PRKCQ: variants seen among roughly 807,000 people sequenced by gnomAD.
PRKCQ encodes the protein protein kinase C theta type.
PRKCQ carries 41 observed loss-of-function variants against 91.2 expected under a neutral mutation model. That is an observed-to-expected ratio of 0.45 (90% CI 0.35 to 0.58). The LOEUF (loss-of-function observed/expected upper bound fraction) is 0.58, where lower values mean the gene tolerates loss of function less well. Among genes scored for constraint, PRKCQ ranks in the 20% least tolerant of loss-of-function variants. The probability of loss-of-function intolerance (pLI) is 0.00; values close to 1 mark genes in which losing one functional copy is unlikely to be tolerated. For synonymous variants in PRKCQ, 307 were observed against 316.9 expected (o/e 0.97, Z 0.33); for missense variants, 673 against 896.5 (o/e 0.75, Z 3.18).
At chr10:6,557,106 C>T (rs1840450875) in intron 1 of PRKCQ, among the ~76,000 whole-genome samples, 1 of 152,218 alleles carries the variant, frequency 6.6e-6, no homozygotes, top group Non-Finnish European at 1.5e-5. Flanking sequence ...CAACCTCTAA[C>T]AACTTCTGCC....
intron 11 of PRKCQ, among the ~76,000 whole-genome samples, chr10:6,481,037 T>A (rs1216344699): frequency 6.6e-6 from 1 of 152,218 alleles, no homozygotes; most frequent in Non-Finnish European, 1.5e-5. Flanking sequence ...TTTTGGAGTA[T>A]TCTCAGTGTT....
the PRKCQ span, among the ~76,000 whole-genome samples, chr10:6,413,673 G>A: frequency 6.1e-3 from 489 of 79,644 alleles, 79 homozygotes; most frequent in Middle Eastern, 0.02. Flanking sequence ...TGGATTAAAT[G>A]CCACTTGTGC....
At position 6,434,172 on chromosome 10, in the gene PRKCQ, G is replaced by A. The variant is rs148103530; in HGVS notation, c.1837-3234C>T. On this transcript the variant is annotated intron_variant, in intron 16 of 17. Transcript: ENST00000263125. ...GATGAAACGAGATTAGATAGATGGC[G>A]TAAGTGTCTCAGGAAGGGGCCAAAA... Among the ~76,000 whole-genome samples, 44 of 152,146 alleles carry A rather than the reference G, an allele frequency of 2.9e-4. No homozygotes were observed. In the East Asian group the frequency reaches 5.6e-3, roughly 19 times the overall value.
intron 1 of PRKCQ, among the ~76,000 whole-genome samples, chr10:6,555,070 T>TAAAAA (rs944444262): frequency 1.3e-5 from 2 of 151,336 alleles, no homozygotes; most frequent in Non-Finnish European, 2.9e-5. Flanking sequence ...AAGTGGGAGC[T>TAAAAA]AAATATTGGG....
At chr10:6,575,846 C>G (rs1841210486) in intron 1 of PRKCQ, among the ~76,000 whole-genome samples, 1 of 152,172 alleles carries the variant, frequency 6.6e-6, no homozygotes, top group Non-Finnish European at 1.5e-5. Context: ...TCGAGACCAT[C>G]TTGGCCAACA....
chr10:6,453,141 A>G (rs1834797596), intron 15 of PRKCQ, among the ~76,000 whole-genome samples: 1 of 150,484 alleles, frequency 6.6e-6, no homozygotes, highest in South Asian at 2.1e-4. Flanking sequence ...CAGGCAACCT[A>G]CAAAATGGGA....
chr10:6,434,499 G>A (rs535436852), intron 16 of PRKCQ, among the ~76,000 whole-genome samples: 20 of 152,274 alleles, frequency 1.3e-4, no homozygotes, highest in African/African-American at 4.3e-4. Flanking sequence ...GCCTTGCAGC[G>A]ACTCAACCCA....
intron 1 of PRKCQ, among the ~76,000 whole-genome samples, chr10:6,557,675 T>G (rs1840473460): frequency 6.6e-6 from 1 of 152,200 alleles, no homozygotes; most frequent in South Asian, 2.1e-4. Context: ...TACATTCACT[T>G]TCTTCGGTCC....
Position 6,497,964 on chromosome 10 carries a change from T to G in PRKCQ, c.542+432A>C, listed in dbSNP as rs998382697. On this transcript the variant is annotated intron_variant, in intron 5 of 17. Transcript: ENST00000263125. This position sits in a 1 kb window ranked among gnomAD's most constrained non-coding sequence, Gnocchi z 4.5. ...TTAAACTGATCTGTTTGATGGCTAT[T>G]AAGATACCCAAGAGCCTCATAAGCA... is the stretch of plus-strand genomic sequence containing the variant. Among the ~76,000 whole-genome samples the G allele has an allele frequency of 2.0e-5, 3 of 152,222 alleles. No homozygotes were observed. Among genetic ancestry groups the G allele is most frequent in the Non-Finnish European group, 4.4e-5 (3 of 68,038 alleles).
At chr10:6,488,004 CAAAA>C (rs774276182) in intron 8 of PRKCQ, among the ~76,000 whole-genome samples, 2 of 113,278 alleles carry the variant, frequency 1.8e-5, no homozygotes, top group East Asian at 2.6e-4. Flanking sequence ...GACTGTGTCT[CAAAA>C]AAAAAAAAAA....
intron 12 of PRKCQ, 54 bp downstream of exon 12, chr10:6,478,938 A>T: frequency 6.3e-7 from 1 of 1,588,946 alleles, no homozygotes; most frequent in Non-Finnish European, 8.6e-7. Context: ...CATTGAAGGT[A>T]TCATGCTGAG....
At chr10:6,532,471 C>T (rs1017928123) in intron 1 of PRKCQ, among the ~76,000 whole-genome samples, 3 of 152,278 alleles carry the variant, frequency 2.0e-5, no homozygotes, top group Non-Finnish European at 2.9e-5. Flanking sequence ...CATCCCACCC[C>T]GACTGCACCC....
At chr10:6,471,497 C>A (rs1313527854) in intron 12 of PRKCQ, among the ~76,000 whole-genome samples, 1 of 152,100 alleles carries the variant, frequency 6.6e-6, no homozygotes, top group African/African-American at 2.4e-5. Context: ...GATCCCAGCA[C>A]TTTGGGAGGC....
At chr10:6,491,036 A>G (rs1837267970) in intron 8 of PRKCQ, among the ~76,000 whole-genome samples, 1 of 152,210 alleles carries the variant, frequency 6.6e-6, no homozygotes, top group African/African-American at 2.4e-5. Context: ...AAACTCCATC[A>G]ATAATGAATG....
rs897326876 is a variant in PRKCQ, at chr10:6,465,314, C to T, written c.1354-910G>A. On this transcript the variant is annotated intron_variant, in intron 12 of 17. Coordinates refer to ENST00000263125, the MANE Select transcript of PRKCQ (RefSeq NM_006257.5). This position sits in a 1 kb window ranked among gnomAD's most constrained non-coding sequence, Gnocchi z 4.4. ...GGCAGAGGCAAGCCACAGTTTATGA[C>T]GGAGTTCTTCTGGCAGAGGACATGA... Among the ~76,000 whole-genome samples the T allele has an allele frequency of 1.3e-5, 2 of 152,196 alleles. No individual in the cohort carries two copies. Among genetic ancestry groups the T allele is most frequent in the East Asian group, 3.9e-4 (2 of 5,172 alleles).
chr10:6,395,220 T>C, the PRKCQ span, among the ~76,000 whole-genome samples: 1,614 of 152,136 alleles, frequency 0.011, 33 homozygotes, highest in African/African-American at 0.037. Context: ...CCTGCCACCG[T>C]GCCCGGCTAA....
chr10:6,441,872 G>A (rs907618342), intron 16 of PRKCQ, 21 bp downstream of exon 16: 11 of 1,580,112 alleles, frequency 7.0e-6, no homozygotes, highest in Non-Finnish European at 9.5e-6. Flanking sequence ...TTATGAAGAC[G>A]CTCTTGGCTT....
chr10:6,509,298 C>T, intron 3 of PRKCQ, among the ~76,000 whole-genome samples: 1 of 152,110 alleles, frequency 6.6e-6, no homozygotes, highest in East Asian at 1.9e-4. Flanking sequence ...GTGAAGACTA[C>T]TTAACAAAAA....
At position 6,478,979 on chromosome 10, in the gene PRKCQ, G is replaced by A. The variant is rs1836426828; in HGVS notation, c.1353+13C>T. On this transcript the variant is annotated intron_variant, in intron 12 of 17. Coordinates refer to ENST00000263125, the MANE Select transcript of PRKCQ (RefSeq NM_006257.5). ...TTAGAGGGGAGGTAGGGTTGTCGGA[G>A]CAGAAGCCATACCTTGGTCTGGAAT... is the stretch of plus-strand genomic sequence containing the variant. The A allele has an allele frequency of 6.2e-7, 1 of 1,613,650 alleles. No individual in the cohort carries two copies. Among genetic ancestry groups the A allele is most frequent in the South Asian group, 1.1e-5 (1 of 91,024 alleles).
Sources: gnomAD v4.1 joint callset for allele counts (sites outside exome capture counted in the v4.1 genomes callset) on GRCh38, gnomAD v4.1.1 for gene constraint, Gnocchi (gnomAD v3.1) non-coding constraint, MANE v1.5 for transcripts, NCBI Gene and HGNC (gene_info 2026-07-23, HGNC 2026-07-21) for gene names.